Variants in CFAP69 observed in about 807,000 individuals in gnomAD.
The protein encoded by CFAP69 is cilia and flagella associated protein 69, also known as cilia- and flagella-associated protein 69.
In CFAP69, 92 loss-of-function variants were observed where a neutral mutation model predicts 123.0. The observed-to-expected ratio is 0.75, with a 90% CI of 0.63 to 0.89. The LOEUF is 0.89. Ranked by LOEUF, CFAP69 falls within the 40% of genes least tolerant of loss-of-function variation. CFAP69 has a pLI of 0.00. For missense variants in CFAP69, 1,067 were observed against 1,096.9 expected (o/e 0.97, Z 0.39); for synonymous variants, 380 against 364.3 (o/e 1.04, Z -0.49).
intron 16 of CFAP69, among the ~76,000 whole-genome samples, chr7:90,298,630 C>T (rs1212722641): frequency 1.3e-5 from 2 of 152,014 alleles, no homozygotes; most frequent in Non-Finnish European, 1.5e-5. Context: ...TCTCTCTTTT[C>T]GATTTCTTTA....
At chr7:90,305,214 G>A (rs62470785) in intron 19 of CFAP69, among the ~76,000 whole-genome samples, 4,510 of 151,434 alleles carry the variant, frequency 0.03, 109 homozygotes, top group Non-Finnish European at 0.039. Flanking sequence ...GGTGGCGGGC[G>A]CCTATAGTCC....
intron 1 of CFAP69, 76 bp from the exon 2 acceptor site, chr7:90,255,347 A>G (rs1797514994): frequency 3.5e-6 from 4 of 1,158,786 alleles, no homozygotes; most frequent in Non-Finnish European, 5.1e-6. Flanking sequence ...GGAAAGTATC[A>G]TATAAATTAG....
At chr7:90,253,559 G>T (rs9649141) in intron 1 of CFAP69, among the ~76,000 whole-genome samples, 136,634 of 152,112 alleles carry the variant, frequency 0.9, 61,648 homozygotes, top group East Asian at 1. Flanking sequence ...CCTGGCTAAT[G>T]TTTTGTATTT....
At chr7:90,313,707 AG>A (rs11367400), downstream of CFAP69, among the ~76,000 whole-genome samples, 79,567 of 151,906 alleles carry the variant, frequency 0.52, 21,463 homozygotes, top group Middle Eastern at 0.6. Flanking sequence ...GATGAAAGGA[AG>A]GGAAAAAAGG....
chr7:90,305,987 G>A (rs904907278), intron 19 of CFAP69, among the ~76,000 whole-genome samples: 1 of 138,660 alleles, frequency 7.2e-6, no homozygotes, highest in Non-Finnish European at 1.5e-5. Context: ...CTGTCACCTA[G>A]CCTAAAGTGC....
chr7:90,304,656 TAGATAGATAGATAGATAG>T, intron 18 of CFAP69, 70 bp from the exon 19 acceptor site: 1 of 895,292 alleles, frequency 1.1e-6, no homozygotes, highest in Non-Finnish European at 1.4e-6. Context: ...GATAGATAGA[TAGATAGATAGATAGATAG>T]ATAGATAGAT....
rs149260361 is a variant in CFAP69 at position 90,295,604 on chromosome 7, G to A, written c.1776-2145G>A. Among the ~76,000 whole-genome samples the A allele has an allele frequency of 6.7e-3, 1,021 of 152,296 alleles. 11 individuals are homozygous for A. The highest frequency in any genetic ancestry group is 0.022 in the African/African-American group (914 of 41,570). On this transcript the variant is annotated intron_variant, in intron 15 of 22. Transcript: ENST00000389297. ...ATTGTCCCTTCCATGGTTGCCAGAA[G>A]GATGTTACAGGAAAGGGGTCCCAAT...
At chr7:90,303,694 T>C (rs1793141885) in intron 17 of CFAP69, 15 of 998,814 alleles carry the variant, frequency 1.5e-5, no homozygotes, top group Non-Finnish European at 1.8e-5. Flanking sequence ...TTTTAAATTA[T>C]TTACATAGAA....
Position 90,265,337 on chromosome 7 carries a change from A to T in CFAP69, c.393A>T (p.Ile131=), listed in dbSNP as rs774438343. 1.2e-5 allele frequency: 20 copies of T among 1,611,898 alleles called. No individual in the cohort carries two copies. In the Admixed American group the frequency reaches 1.8e-4, roughly 15 times the overall value. Residue 131 remains isoleucine (I), a synonymous_variant, in exon 5 of 23, where the codon ATA becomes ATT. Coordinates refer to ENST00000389297, the MANE Select transcript of CFAP69 (RefSeq NM_001039706.3). ...PFLKKKVSDE[I]TYAEDTANSI... is the part of the protein sequence containing the mutation. The stretch of plus-strand genomic sequence containing the variant: ...TGAAAAAGAAAGTGTCGGATGAAAT[A>T]ACTTATGCTGAAGATACTGCTAATT...
At chr7:90,246,308 G>A (rs1369671361) in intron 1 of CFAP69, among the ~76,000 whole-genome samples, 1 of 152,170 alleles carries the variant, frequency 6.6e-6, no homozygotes, top group African/African-American at 2.4e-5. Flanking sequence ...TGATCCCCCA[G>A]AGAGCCCTGA....
intron 12 of CFAP69, among the ~76,000 whole-genome samples, chr7:90,281,186 T>C (rs1789433982): frequency 6.6e-6 from 1 of 152,150 alleles, no homozygotes; most frequent in Non-Finnish European, 1.5e-5. Flanking sequence ...TAGAACTCAG[T>C]CTAAGAAGCT....
At chr7:90,260,773 C>T (rs1370162684) in intron 3 of CFAP69, among the ~76,000 whole-genome samples, 1 of 151,792 alleles carries the variant, frequency 6.6e-6, no homozygotes, top group African/African-American at 2.4e-5. Flanking sequence ...AACCTGACAT[C>T]TCAACACCTC....
At chr7:90,287,283 A>T (rs901596247) in intron 14 of CFAP69, among the ~76,000 whole-genome samples, 1 of 152,108 alleles carries the variant, frequency 6.6e-6, no homozygotes, top group Non-Finnish European at 1.5e-5. Flanking sequence ...ATATTCTTGT[A>T]CTAGTCTTTA....
intron 18 of CFAP69, chr7:90,304,400 C>T: frequency 8.3e-7 from 1 of 1,201,078 alleles, no homozygotes; most frequent in Non-Finnish European, 1.0e-6. Flanking sequence ...CATTCTGAGT[C>T]ACTTGAGTTT....
Position 90,279,901 on chromosome 7 carries a change from G to C in CFAP69, c.1372+8G>C. On this transcript the variant is annotated splice_region_variant and intron_variant, in intron 12 of 22. Transcript: ENST00000389297. ...AATGGTGTGAGAGTGAAGGTGAGTG[G>C]CCCTTCAAGATTCTTGTCAAAATTC... 6.4e-7 allele frequency: 1 copy of C among 1,550,756 alleles called. No homozygotes were observed. Among genetic ancestry groups the C allele is most frequent in the East Asian group, 2.3e-5 (1 of 43,622 alleles).
At chr7:90,275,637 T>A (rs910873822) in intron 9 of CFAP69, among the ~76,000 whole-genome samples, 5 of 131,088 alleles carry the variant, frequency 3.8e-5, no homozygotes, top group African/African-American at 1.1e-4. Flanking sequence ...AATCTTGCTC[T>A]GTCGCCCAGG....
intron 3 of CFAP69, among the ~76,000 whole-genome samples, chr7:90,258,839 T>C (rs773603401): frequency 2.6e-5 from 4 of 152,172 alleles, no homozygotes; most frequent in Non-Finnish European, 4.4e-5. Context: ...CACAAGTAAC[T>C]GTGGATAATG....
chr7:90,306,839 A>G (rs1793660216), intron 19 of CFAP69, 62 bp from the exon 20 acceptor site: 1 of 986,404 alleles, frequency 1.0e-6, no homozygotes, highest in Admixed American at 2.3e-5. Context: ...AAAATTGTAT[A>G]ATTGTACAAT....
intron 15 of CFAP69, among the ~76,000 whole-genome samples, chr7:90,292,469 T>C (rs1791340679): frequency 6.6e-6 from 1 of 152,204 alleles, no homozygotes; most frequent in South Asian, 2.1e-4. Flanking sequence ...GTCAAAGCCT[T>C]AGTAAAATAA....
Sources: gnomAD v4.1 joint callset for allele counts (sites outside exome capture counted in the v4.1 genomes callset) on GRCh38, gnomAD v4.1.1 for gene constraint, MANE v1.5 for transcripts, NCBI Gene and HGNC (gene_info 2026-07-23, HGNC 2026-07-21) for gene names.